PPARGC1A: variants seen among roughly 807,000 people sequenced by gnomAD.
PPARGC1A encodes the protein PPARG coactivator 1 alpha.
PPARGC1A carries 25 observed loss-of-function variants against 88.7 expected under a neutral mutation model. The ratio of observed to expected loss-of-function variants is 0.28; its 90% CI spans 0.21 to 0.39. The LOEUF is 0.39. Among genes scored for constraint, PPARGC1A ranks in the 10% least tolerant of loss-of-function variants. The pLI is 1.00. For missense variants in PPARGC1A, 880 were observed against 968.7 expected, an observed-to-expected ratio of 0.91 and a Z score of 1.22; for synonymous variants, 363 against 355.6, an observed-to-expected ratio of 1.02 and a Z score of -0.24.
At chr4:24,447,182 A>G in the PPARGC1A span, among the ~76,000 whole-genome samples, 1 of 152,280 alleles carries the variant, frequency 6.6e-6, no homozygotes, top group East Asian at 1.9e-4. Flanking sequence ...CTGCCAAGTG[A>G]TCCCAAGGCT....
Position 23,802,233 on chromosome 4 carries a change from C to G in PPARGC1A, c.2132G>C (p.Arg711Pro), listed in dbSNP as rs533871925. Residue 711 changes from arginine to proline, a missense_variant, in exon 11 of 13, where the codon CGG (arginine) becomes CCG (proline). Arg to Pro is a moderately radical substitution (Grantham distance 103). Transcript: ENST00000264867. ...TCTTGAAGATTCTCACCCATCATCC[C>G]GCAGATTTACTGTGCACTCCTCAAT... ...GEIEECTVNL[R>P]DDGDSYGFIT... 6.2e-7 allele frequency: 1 copy of G among 1,613,978 alleles called. No homozygotes were observed. Among genetic ancestry groups the G allele is most frequent in the Admixed American group, 1.7e-5 (1 of 60,014 alleles).
At chr4:23,948,183 A>G in the PPARGC1A span, among the ~76,000 whole-genome samples, 125 of 152,320 alleles carry the variant, frequency 8.2e-4, 1 homozygote, top group African/African-American at 3.0e-3. Flanking sequence ...AGTAGGTCCC[A>G]GGAACCATGT....
At chr4:24,237,731 C>T in the PPARGC1A span, among the ~76,000 whole-genome samples, 14 of 152,338 alleles carry the variant, frequency 9.2e-5, 1 homozygote, top group African/African-American at 3.1e-4. Flanking sequence ...AGGGGGCTCA[C>T]ATTATCCATA....
the PPARGC1A span, among the ~76,000 whole-genome samples, chr4:23,972,996 C>A: frequency 9.2e-4 from 140 of 152,252 alleles, no homozygotes; most frequent in African/African-American, 3.2e-3. Context: ...AGATTAACTG[C>A]ATTATTATTC....
the PPARGC1A span, among the ~76,000 whole-genome samples, chr4:24,125,907 G>T: frequency 3.1e-4 from 47 of 152,302 alleles, no homozygotes; most frequent in East Asian, 3.1e-3. Context: ...ACCTTTCCTT[G>T]CTTCTATGAC....
chr4:23,898,989 C>T (rs377440476), intron 1 of PPARGC1A, among the ~76,000 whole-genome samples: 6 of 151,942 alleles, frequency 3.9e-5, no homozygotes, highest in African/African-American at 9.7e-5. Context: ...GCGAGCACCA[C>T]GACGCCCGGC....
chr4:24,470,557 C>T, the PPARGC1A span, among the ~76,000 whole-genome samples: 1 of 152,244 alleles, frequency 6.6e-6, no homozygotes, highest in East Asian at 2.0e-4. This position sits in a 1 kb window ranked among gnomAD's most constrained non-coding sequence, Gnocchi z 5.8. Flanking sequence ...GCTCCAGCGC[C>T]GGCCCGACCA....
the PPARGC1A span, among the ~76,000 whole-genome samples, chr4:24,291,066 T>C: frequency 6.6e-6 from 1 of 152,188 alleles, no homozygotes; most frequent in Non-Finnish European, 1.5e-5. Flanking sequence ...ATCTGGCACT[T>C]TCTATCTCTC....
chr4:23,867,092 T>G (rs182443403), intron 2 of PPARGC1A, among the ~76,000 whole-genome samples: 2 of 152,230 alleles, frequency 1.3e-5, no homozygotes, highest in African/African-American at 2.4e-5. Flanking sequence ...TCTGACTTAT[T>G]GAAGACTCAC....
At chr4:24,447,771 C>T in the PPARGC1A span, among the ~76,000 whole-genome samples, 2 of 152,146 alleles carry the variant, frequency 1.3e-5, no homozygotes, top group South Asian at 4.1e-4. Context: ...CCATTTAGGT[C>T]CTAAACGTTA....
the PPARGC1A span, among the ~76,000 whole-genome samples, chr4:24,131,877 T>C: frequency 1.3e-5 from 2 of 152,178 alleles, no homozygotes; most frequent in South Asian, 4.1e-4. Flanking sequence ...GGTCAGCAGC[T>C]CTGATATGTG....
chr4:24,283,439 C>G, the PPARGC1A span, among the ~76,000 whole-genome samples: 2 of 152,196 alleles, frequency 1.3e-5, no homozygotes, highest in Non-Finnish European at 2.9e-5. Flanking sequence ...AGCATTTGAA[C>G]TTGAAAGAGG....
chr4:23,898,650 T>C (rs1454039341), intron 1 of PPARGC1A, among the ~76,000 whole-genome samples: 1 of 152,180 alleles, frequency 6.6e-6, no homozygotes, highest in Non-Finnish European at 1.5e-5. Context: ...CAAATCTTGA[T>C]TCTGTGCTTG....
At chr4:24,045,514 C>G in the PPARGC1A span, among the ~76,000 whole-genome samples, 2 of 152,098 alleles carry the variant, frequency 1.3e-5, no homozygotes, top group Admixed American at 1.3e-4. Context: ...GGGAGAAATC[C>G]TCTATGGCCT....
chr4:24,240,474 G>A, the PPARGC1A span, among the ~76,000 whole-genome samples: 1 of 152,068 alleles, frequency 6.6e-6, no homozygotes, highest in African/African-American at 2.4e-5. Context: ...CTAATTAGCT[G>A]GCTAGTTATA....
At chr4:24,307,710 A>T in the PPARGC1A span, among the ~76,000 whole-genome samples, 1 of 152,226 alleles carries the variant, frequency 6.6e-6, no homozygotes, top group Non-Finnish European at 1.5e-5. Flanking sequence ...CCAGCAGAGG[A>T]TCTGGTTCGG....
the PPARGC1A span, among the ~76,000 whole-genome samples, chr4:24,110,870 A>G: frequency 6.6e-6 from 1 of 152,210 alleles, no homozygotes; most frequent in Non-Finnish European, 1.5e-5. Context: ...TACCTTGCTT[A>G]AGGTCCTACA....
the PPARGC1A span, among the ~76,000 whole-genome samples, chr4:24,339,485 T>C: frequency 6.6e-6 from 1 of 152,008 alleles, no homozygotes; most frequent in East Asian, 1.9e-4. Context: ...TTGTTCACAC[T>C]GGTCCCTTAA....
At chr4:24,097,644 A>C in the PPARGC1A span, among the ~76,000 whole-genome samples, 1 of 152,124 alleles carries the variant, frequency 6.6e-6, no homozygotes, top group Non-Finnish European at 1.5e-5. Context: ...CTATATATTA[A>C]CTCTATAATA....
Sources: allele counts gnomAD v4.1 joint callset (sites outside exome capture counted in the v4.1 genomes callset), GRCh38; gene constraint gnomAD v4.1.1; non-coding constraint Gnocchi (gnomAD v3.1); transcripts MANE v1.5; gene names NCBI Gene and HGNC (gene_info 2026-07-23, HGNC 2026-07-21).